TSPAN32: variants seen among roughly 807,000 people sequenced by gnomAD.
TSPAN32 encodes the protein tetraspanin 32.
Under a neutral mutation model 42.7 loss-of-function variants are expected in TSPAN32, and 47 were observed. That is an observed-to-expected ratio of 1.10 (90% CI 0.87 to 1.40). The LOEUF (loss-of-function observed/expected upper bound fraction) is 1.40, where lower values mean the gene tolerates loss of function less well. Among genes scored for constraint, TSPAN32 ranks in the 40% most tolerant of loss-of-function variants. TSPAN32 has a pLI of 0.00. For synonymous variants in TSPAN32, 175 were observed against 175.9 expected (o/e 0.99, Z 0.04); for missense variants, 469 against 424.1 (o/e 1.11, Z -0.93).
Position 2,313,897 on chromosome 11 carries a change from GCTGGGGGCAAAAAGCTCCCACCCTCTGT to G in TSPAN32, c.456+146_456+173del, listed in dbSNP as rs1319314431. On this transcript the variant is annotated intron_variant, in intron 5 of 9. Coordinates refer to ENST00000182290, the MANE Select transcript of TSPAN32 (RefSeq NM_139022.3). This position sits in a 1 kb window ranked among gnomAD's most constrained non-coding sequence, Gnocchi z 9.1. ...ACACAGGCCAGAGTTGCCCCTCAGG[GCTGGGGGCAAAAAGCTCCCACCCTCTGT>G]CTGCCCAGGACAAGGCCGCCTACCA... 1 of 691,064 alleles carries G rather than the reference GCTGGGGGCAAAAAGCTCCCACCCTCTGT, an allele frequency of 1.4e-6. No individual in the cohort carries two copies. Among genetic ancestry groups the G allele is most frequent in the Non-Finnish European group, 2.4e-6 (1 of 417,266 alleles). 42.8% of individuals were successfully genotyped at this position (691,064 alleles called of 1,614,324 possible). A position where few individuals can be genotyped will look rare whatever the true frequency, so the allele number is the denominator to read the frequency against.
chr11:2,316,446 C>T (rs1417420883), intron 7 of TSPAN32, 130 bp from the exon 8 acceptor site: 1 of 1,555,016 alleles, frequency 6.4e-7, no homozygotes. Flanking sequence ...CCTCAGGGAG[C>T]TGCTCTGGTG....
rs537275557 is a variant in TSPAN32 at position 2,310,826 on chromosome 11, G to A, written c.354+2016G>A. Among the ~76,000 whole-genome samples the A allele has an allele frequency of 3.9e-5, 6 of 152,348 alleles. No homozygotes were observed. In the East Asian group the frequency reaches 1.2e-3, roughly 29 times the overall value. On this transcript the variant is annotated intron_variant, in intron 4 of 9. Transcript: ENST00000182290. ...CAGGACGTGGGACTTGCTCGAAGCT[G>A]TCCTGGGTGTGGATGGAGTGGCTTT...
At chr11:2,314,433 C>T (rs1272208114) in intron 5 of TSPAN32, 52 bp from the exon 6 acceptor site, 3 of 1,464,506 alleles carry the variant, frequency 2.0e-6, no homozygotes, top group Non-Finnish European at 2.8e-6. Flanking sequence ...GTGCTGCCCG[C>T]CTCCTGGGGT....
chr11:2,312,720 T>C (rs924193265), intron 4 of TSPAN32, among the ~76,000 whole-genome samples: 1 of 152,196 alleles, frequency 6.6e-6, no homozygotes, highest in Non-Finnish European at 1.5e-5. Flanking sequence ...TGTGAGTGGC[T>C]AGAGCGGGCC....
At chr11:2,311,309 G>A (rs1284980188) in intron 4 of TSPAN32, among the ~76,000 whole-genome samples, 3 of 152,144 alleles carry the variant, frequency 2.0e-5, no homozygotes, top group Non-Finnish European at 4.4e-5. Flanking sequence ...CACTTCCCTG[G>A]GATGCTCATG....
intron 6 of TSPAN32, chr11:2,315,956 A>G (rs1848760975): frequency 2.0e-6 from 3 of 1,528,892 alleles, no homozygotes; most frequent in African/African-American, 1.4e-5. Context: ...GTGGCCCAAC[A>G]TGGACGCTCA....
At chr11:2,314,693 AACTGCCGCTGAAG>A in intron 6 of TSPAN32, 122 bp downstream of exon 6, 1 of 745,498 alleles carries the variant, frequency 1.3e-6, no homozygotes, top group Non-Finnish European at 2.3e-6. Context: ...GACCCTTGGG[AACTGCCGCTGAAG>A]GGCTCAGGGA....
intron 8 of TSPAN32, 62 bp downstream of exon 8, chr11:2,316,729 A>G: frequency 6.8e-7 from 1 of 1,477,996 alleles, no homozygotes; most frequent in Non-Finnish European, 9.0e-7. Context: ...CTCGAGAGGC[A>G]TCTGCTCTGC....
At position 2,307,022 on chromosome 11, in the gene TSPAN32, GAGGAGGAGGAAGAGGAGGA is replaced by G. The variant is rs1185941083; in HGVS notation, c.280-1703_280-1685del. On this transcript the variant is annotated intron_variant, in intron 3 of 9. Transcript: ENST00000182290. ...AGAAGAAAGAGGGGGAGGGTGGAGG[GAGGAGGAGGAAGAGGAGGA>G]AGGAGGAGGAGAGAGAAGAGAGGAG... 5.9e-5 allele frequency: 9 copies of G among 152,770 alleles called. No individual in the cohort carries two copies. The East Asian group carries it at 9.8e-4, about 17-fold the overall frequency. The allele number at this position is 152,770 out of a possible 1,614,324, so 9.5% of individuals were successfully genotyped here.
intron 3 of TSPAN32, among the ~76,000 whole-genome samples, chr11:2,305,617 G>A (rs538738809): frequency 2.2e-4 from 33 of 152,314 alleles, no homozygotes; most frequent in African/African-American, 7.5e-4. Flanking sequence ...CCTTGCCCCC[G>A]TGCACAAACC....
At chr11:2,305,503 C>T (rs1249007935) in intron 3 of TSPAN32, among the ~76,000 whole-genome samples, 3 of 152,220 alleles carry the variant, frequency 2.0e-5, no homozygotes, top group East Asian at 1.9e-4. Flanking sequence ...GCTGCAGTAC[C>T]GTCCACCAGG....
chr11:2,316,741 A>G, intron 8 of TSPAN32, 74 bp downstream of exon 8: 2 of 1,447,518 alleles, frequency 1.4e-6, no homozygotes, highest in South Asian at 2.8e-5. Flanking sequence ...CTGCTCTGCC[A>G]GCTGCTAGGA....
At chr11:2,311,843 C>G (rs1033344755) in intron 4 of TSPAN32, among the ~76,000 whole-genome samples, 4 of 152,254 alleles carry the variant, frequency 2.6e-5, no homozygotes, top group African/African-American at 7.2e-5. Context: ...GCCCCCAGAG[C>G]CTGGAATGGA....
chr11:2,313,548 T>C lies in TSPAN32; in HGVS notation c.355-106T>C. 1 of 840,252 alleles carries C rather than the reference T, an allele frequency of 1.2e-6. No individual in the cohort carries two copies. Among genetic ancestry groups the C allele is most frequent in the Non-Finnish European group, 1.9e-6 (1 of 535,746 alleles). The allele number at this position is 840,252 out of a possible 1,614,324, so 52.0% of individuals were successfully genotyped here. A position where few individuals can be genotyped will look rare whatever the true frequency, so the allele number is the denominator to read the frequency against. ...CTACAAGGAGGGCAGTGCTGGGACGTCACTCAGCACTAAGGGCCCACTAGC... is the reference window on the plus strand; with the variant it reads ...CTACAAGGAGGGCAGTGCTGGGACGCCACTCAGCACTAAGGGCCCACTAGC... On this transcript the variant is annotated intron_variant, in intron 4 of 9. Coordinates refer to ENST00000182290, the MANE Select transcript of TSPAN32 (RefSeq NM_139022.3). The surrounding 1 kb of genome is among the most constrained non-coding windows in gnomAD (Gnocchi z 9.1).
intron 4 of TSPAN32, among the ~76,000 whole-genome samples, chr11:2,312,088 G>A (rs913708191): frequency 1.3e-5 from 2 of 152,212 alleles, no homozygotes; most frequent in African/African-American, 4.8e-5. Context: ...GGCAGAGCAG[G>A]CCCCTCAGCC....
intron 7 of TSPAN32, 40 bp from the exon 8 acceptor site, chr11:2,316,536 C>A (rs771084943): frequency 3.1e-6 from 5 of 1,607,634 alleles, no homozygotes; most frequent in Non-Finnish European, 3.4e-6. Flanking sequence ...GGCGCCCGCA[C>A]CCTGGGGCAG....
intron 4 of TSPAN32, among the ~76,000 whole-genome samples, chr11:2,310,363 A>G (rs989852917): frequency 1.4e-4 from 22 of 152,220 alleles, no homozygotes; most frequent in African/African-American, 5.3e-4. Flanking sequence ...TAGATGCCCC[A>G]GCCGGGCTCA....
chr11:2,302,138 A>T lies in TSPAN32; in HGVS notation c.-12A>T. 1 of 1,470,948 alleles carries T rather than the reference A, an allele frequency of 6.8e-7. No individual in the cohort carries two copies. The highest frequency in any genetic ancestry group is 9.0e-7 in the Non-Finnish European group (1 of 1,110,598). The allele number at this position is 1,470,948 out of a possible 1,614,324, so 91.1% of individuals were successfully genotyped here. A position where few individuals can be genotyped will look rare whatever the true frequency, so the allele number is the denominator to read the frequency against. On this transcript the variant is annotated 5_prime_UTR_variant, in exon 1 of 10. The change creates a premature stop within an existing upstream ORF in the 5' untranslated region. Coordinates refer to ENST00000182290, the MANE Select transcript of TSPAN32 (RefSeq NM_139022.3). ...GGAAGGGAGGGGAGGAGAGGAGAGG[A>T]GAGGAACCGTCATGGGGCCTTGGAG...
chr11:2,303,226 G>GTGGCTCTGTGCGGTCAGGACC (rs1847868768), intron 2 of TSPAN32, among the ~76,000 whole-genome samples: 2 of 152,278 alleles, frequency 1.3e-5, no homozygotes, highest in East Asian at 1.9e-4. Context: ...GGGTCAGGAA[G>GTGGCTCTGTGCGGTCAGGACC]TGGCTCTGTG....
Sources: gnomAD v4.1 joint callset for allele counts (sites outside exome capture counted in the v4.1 genomes callset) on GRCh38, gnomAD v4.1.1 for gene constraint, Gnocchi (gnomAD v3.1) non-coding constraint, MANE v1.5 for transcripts, NCBI Gene and HGNC (gene_info 2026-07-23, HGNC 2026-07-21) for gene names.